SATB2: variants seen among roughly 807,000 people sequenced by gnomAD.
SATB2 encodes the protein DNA-binding protein SATB2.
SATB2 carries 1 observed loss-of-function variant against 73.4 expected under a neutral mutation model. That is an observed-to-expected ratio of 0.01 (90% CI 0.00 to 0.06). SATB2 has a LOEUF of 0.06. Among genes scored for constraint, SATB2 ranks in the 10% least tolerant of loss-of-function variants. SATB2 has a pLI of 1.00. For synonymous variants in SATB2, 397 were observed against 367.0 expected (o/e 1.08, Z -0.93); for missense variants, 459 against 945.8 (o/e 0.49, Z 6.75).
intron 6 of SATB2, among the ~76,000 whole-genome samples, chr2:199,351,638 T>C (rs1296985554): frequency 1.3e-5 from 2 of 151,902 alleles, no homozygotes; most frequent in South Asian, 4.2e-4. Context: ...ACAGTTTCCA[T>C]AGAACAGGAA....
chr2:199,309,015 C>T (rs1459333932), intron 9 of SATB2, 58 bp from the exon 10 acceptor site: 1 of 1,387,522 alleles, frequency 7.2e-7, no homozygotes, highest in Non-Finnish European at 1.0e-6. Flanking sequence ...GCTGAGGGGG[C>T]CTTGACTGCG....
At chr2:199,387,909 T>C (rs190855617) in intron 3 of SATB2, among the ~76,000 whole-genome samples, 73 of 152,246 alleles carry the variant, frequency 4.8e-4, no homozygotes, top group African/African-American at 1.5e-3. Context: ...TCTGCCAGAG[T>C]TAAAGAGCTG....
intron 7 of SATB2, among the ~76,000 whole-genome samples, chr2:199,332,017 C>T (rs941393213): frequency 2.6e-5 from 4 of 151,822 alleles, no homozygotes; most frequent in Admixed American, 6.6e-5. Flanking sequence ...GAAAATGTGG[C>T]GCGGCACCTG....
chr2:199,368,363 G>A (rs1246960065), intron 6 of SATB2, among the ~76,000 whole-genome samples: 1 of 152,062 alleles, frequency 6.6e-6, no homozygotes, highest in Non-Finnish European at 1.5e-5. Flanking sequence ...TTTGGTCTTT[G>A]CAGGTATCAC....
intron 4 of SATB2, 142 bp from the exon 5 acceptor site, chr2:199,380,629 G>T (rs752438031): frequency 3.3e-5 from 35 of 1,055,616 alleles, no homozygotes; most frequent in Non-Finnish European, 4.1e-5. Context: ...TGAAGGAAGG[G>T]AAGTAAAACT....
At chr2:199,280,335 T>C (rs1415448631) in intron 10 of SATB2, among the ~76,000 whole-genome samples, 2 of 152,138 alleles carry the variant, frequency 1.3e-5, no homozygotes, top group East Asian at 1.9e-4. Context: ...GTGATGATTG[T>C]GTTAACTGCA....
chr2:199,287,587 G>A lies in SATB2; in HGVS notation c.1741-14915C>T, dbSNP rs1169579780. ...CAAGGATAATATGGAGGGGTGTGGT[G>A]GGGGGGGAGATTATCTATGTATACT... On this transcript the variant is annotated intron_variant, in intron 10 of 10. Transcript: ENST00000417098. 4.0e-5 allele frequency among the ~76,000 whole-genome samples: 6 copies of A among 150,712 alleles called. No individual in the cohort carries two copies. In the South Asian group the frequency reaches 1.0e-3, roughly 26 times the overall value.
At chr2:199,388,299 T>C (rs1270398985) in intron 3 of SATB2, among the ~76,000 whole-genome samples, 2 of 152,152 alleles carry the variant, frequency 1.3e-5, no homozygotes, top group East Asian at 1.9e-4. Context: ...GAGCTCACAA[T>C]TGAGCAGAGA....
Position 199,272,005 on chromosome 2 carries a change from C to T in SATB2, c.*206G>A, listed in dbSNP as rs770984154. The stretch of plus-strand genomic sequence containing the variant: ...CAAGGCGATGTCTGATTCGGAAATA[C>T]TGAACTTATTCAGTCTATAGGTGTA... On this transcript the variant is annotated 3_prime_UTR_variant, in exon 11 of 11. Transcript: ENST00000417098. This position sits in a 1 kb window ranked among gnomAD's most constrained non-coding sequence, Gnocchi z 6.7. 1.8e-5 allele frequency: 11 copies of T among 611,308 alleles called. No homozygotes were observed. Among genetic ancestry groups the T allele is most frequent in the Middle Eastern group, 4.3e-4 (1 of 2,316 alleles). The allele number at this position is 611,308 out of a possible 1,614,324, so 37.9% of individuals were successfully genotyped here. A position where few individuals can be genotyped will look rare whatever the true frequency, so the allele number is the denominator to read the frequency against.
At chr2:199,396,018 C>T (rs1690289637) in intron 3 of SATB2, 1 of 152,150 alleles carries the variant, frequency 6.6e-6, no homozygotes, top group African/African-American at 2.4e-5. Context: ...ATTTGGGTTA[C>T]AAAATGACTT....
At chr2:199,344,670 G>A (rs7593148) in intron 7 of SATB2, among the ~76,000 whole-genome samples, 3,054 of 152,216 alleles carry the variant, frequency 0.02, 101 homozygotes, top group African/African-American at 0.069. Flanking sequence ...TTCCAGCACC[G>A]CTGAAGACCG....
rs967950463 is a variant in SATB2 at position 199,308,615 on chromosome 2, A to G, written c.1740+145T>C. 1.5e-6 allele frequency: 1 copy of G among 689,476 alleles called. No homozygotes were observed. Among genetic ancestry groups the G allele is most frequent in the Non-Finnish European group, 2.6e-6 (1 of 389,134 alleles). 42.7% of individuals were successfully genotyped at this position (689,476 alleles called of 1,614,324 possible). ...ACACATACACACAGTACCCACTGTG[A>G]CGACAGCGTCTTCTGTACTTGGGGA... On this transcript the variant is annotated intron_variant, in intron 10 of 10. Transcript: ENST00000417098. The surrounding 1 kb of genome is among the most constrained non-coding windows in gnomAD (Gnocchi z 4.6).
chr2:199,439,923 G>C (rs1261432513), intron 2 of SATB2, among the ~76,000 whole-genome samples: 1 of 152,182 alleles, frequency 6.6e-6, no homozygotes, highest in South Asian at 2.1e-4. Flanking sequence ...GACCAACATG[G>C]TGAGACCCCC....
chr2:199,390,443 T>TA (rs1310672378), intron 3 of SATB2, among the ~76,000 whole-genome samples: 1 of 152,194 alleles, frequency 6.6e-6, no homozygotes, highest in Non-Finnish European at 1.5e-5. Flanking sequence ...AGTTTTAAAT[T>TA]AAAAAACTCA....
intron 10 of SATB2, among the ~76,000 whole-genome samples, chr2:199,300,873 T>C (rs2105757316): frequency 6.6e-6 from 1 of 152,152 alleles, no homozygotes; most frequent in Non-Finnish European, 1.5e-5. Flanking sequence ...CTGTTTGACA[T>C]TTCACTTCCA....
At chr2:199,439,350 C>G (rs1691741891) in intron 2 of SATB2, among the ~76,000 whole-genome samples, 1 of 152,244 alleles carries the variant, frequency 6.6e-6, no homozygotes, top group South Asian at 2.1e-4. Flanking sequence ...TCCTGAAGCC[C>G]ATCTGTCTCT....
intron 7 of SATB2, among the ~76,000 whole-genome samples, chr2:199,334,212 C>T (rs963548870): frequency 3.9e-5 from 6 of 152,214 alleles, no homozygotes; most frequent in African/African-American, 4.8e-5. Context: ...TAAAATCATA[C>T]GCTGAGCACT....
chr2:199,277,265 T>A (rs1358598355), intron 10 of SATB2, among the ~76,000 whole-genome samples: 1 of 152,220 alleles, frequency 6.6e-6, no homozygotes, highest in African/African-American at 2.4e-5. Context: ...GTTAAAAGGA[T>A]GTGTGTATGT....
intron 10 of SATB2, among the ~76,000 whole-genome samples, chr2:199,275,285 A>G (rs955817111): frequency 6.6e-6 from 1 of 152,206 alleles, no homozygotes; most frequent in African/African-American, 2.4e-5. Flanking sequence ...GGTCCAACCA[A>G]CTAGCCTGCT....
Sources: allele counts gnomAD v4.1 joint callset (sites outside exome capture counted in the v4.1 genomes callset), GRCh38; gene constraint gnomAD v4.1.1; non-coding constraint Gnocchi (gnomAD v3.1); transcripts MANE v1.5; gene names NCBI Gene and HGNC (gene_info 2026-07-23, HGNC 2026-07-21).